SUPT3H: variants seen among roughly 807,000 people sequenced by gnomAD.
SUPT3H encodes transcription initiation protein SPT3 homolog.
In SUPT3H, 44 loss-of-function variants were observed where a neutral mutation model predicts 44.3. That is an observed-to-expected ratio of 0.99 (90% CI 0.78 to 1.28). SUPT3H has a LOEUF of 1.28. Ranked by LOEUF, SUPT3H falls within the 50% of genes most tolerant of loss-of-function variation. The pLI, the probability that SUPT3H is intolerant of heterozygous loss-of-function variation, is 0.00. For missense variants in SUPT3H, 380 were observed against 387.1 expected (o/e 0.98, Z 0.15); for synonymous variants, 124 against 125.6 (o/e 0.99, Z 0.09).
At chr6:44,855,202 C>T (rs1404717692) in intron 10 of SUPT3H, among the ~76,000 whole-genome samples, 1 of 152,192 alleles carries the variant, frequency 6.6e-6, no homozygotes, top group African/African-American at 2.4e-5. Flanking sequence ...CTTTGCCCCT[C>T]TTCTCCCAAA....
intron 3 of SUPT3H, among the ~76,000 whole-genome samples, chr6:45,030,212 C>A (rs1688136958): frequency 6.6e-6 from 1 of 152,184 alleles, no homozygotes; most frequent in South Asian, 2.1e-4. Flanking sequence ...CCTTTGGTAA[C>A]TCAGTAACTG....
At chr6:45,069,552 G>A (rs536233136) in intron 3 of SUPT3H, among the ~76,000 whole-genome samples, 109 of 152,172 alleles carry the variant, frequency 7.2e-4, no homozygotes, top group African/African-American at 2.5e-3. Context: ...AGTATGATCC[G>A]TATAAGTATA....
At chr6:45,120,417 T>TAAAAAGAAAAAAAAAAAAAAAA (rs1801460668) in intron 2 of SUPT3H, among the ~76,000 whole-genome samples, 1 of 50,510 alleles carries the variant, frequency 2.0e-5, no homozygotes, top group Non-Finnish European at 3.7e-5. Flanking sequence ...AGACCTTGTC[T>TAAAAAGAAAAAAAAAAAAAAAA]AAAAAAAAAA....
intron 2 of SUPT3H, among the ~76,000 whole-genome samples, chr6:45,246,674 G>GGAA (rs1771397060): frequency 6.6e-6 from 1 of 152,022 alleles, no homozygotes; most frequent in Non-Finnish European, 1.5e-5. Context: ...ATCAACAAAA[G>GGAA]GAAGGTACCT....
chr6:44,938,096 A>AT (rs528812806), intron 9 of SUPT3H, among the ~76,000 whole-genome samples: 3,522 of 135,964 alleles, frequency 0.026, 77 homozygotes, highest in South Asian at 0.1. Context: ...CCCATTGTCT[A>AT]TTTTTTTTTT....
At chr6:44,945,064 T>A (rs760701018) in intron 9 of SUPT3H, among the ~76,000 whole-genome samples, 18 of 152,124 alleles carry the variant, frequency 1.2e-4, no homozygotes, top group Non-Finnish European at 1.0e-4. Context: ...ATTTTGGTAC[T>A]TTTCACAGTA....
At chr6:45,271,553 C>T (rs1776148585) in intron 2 of SUPT3H, among the ~76,000 whole-genome samples, 1 of 152,220 alleles carries the variant, frequency 6.6e-6, no homozygotes, top group Non-Finnish European at 1.5e-5. Context: ...ACCTAGATTT[C>T]AGAGGATGCA....
intron 3 of SUPT3H, among the ~76,000 whole-genome samples, chr6:45,029,243 C>G (rs889475389): frequency 6.6e-6 from 1 of 151,370 alleles, no homozygotes; most frequent in Non-Finnish European, 1.5e-5. Flanking sequence ...ACAGTTAAGT[C>G]AGGTTTTAAA....
intron 10 of SUPT3H, among the ~76,000 whole-genome samples, chr6:44,931,105 C>CT (rs1348623127): frequency 6.6e-6 from 1 of 152,178 alleles, no homozygotes; most frequent in African/African-American, 2.4e-5. Flanking sequence ...GCTACCGCTT[C>CT]TTTTTGAGGA....
At chr6:45,111,337 G>A (rs1266673346) in intron 2 of SUPT3H, among the ~76,000 whole-genome samples, 1 of 151,928 alleles carries the variant, frequency 6.6e-6, no homozygotes, top group African/African-American at 2.4e-5. Flanking sequence ...AGCCAAAATG[G>A]TATTTTTAAA....
Position 44,921,444 on chromosome 6 carries a change from G to A in SUPT3H, c.912+11209C>T, listed in dbSNP as rs919669848. Among the ~76,000 whole-genome samples, 24 of 152,266 alleles carry A rather than the reference G, an allele frequency of 1.6e-4. No homozygotes were observed. In the South Asian group the frequency reaches 2.7e-3, roughly 17 times the overall value. ...CCATTTGCAAGCTGGTTGTGTGAACGATAGACATTGTTTGCCATCAAAAAT... is the reference window on the plus strand; with the variant it reads ...CCATTTGCAAGCTGGTTGTGTGAACAATAGACATTGTTTGCCATCAAAAAT... On this transcript the variant is annotated intron_variant, in intron 10 of 10. Transcript: ENST00000371459.
intron 6 of SUPT3H, 81 bp from the exon 7 acceptor site, chr6:44,961,909 G>C: frequency 2.7e-6 from 3 of 1,095,276 alleles, no homozygotes; most frequent in South Asian, 2.9e-5. Flanking sequence ...TAGAATTGAA[G>C]TACCATTTTC....
rs573263615 is a variant in SUPT3H at position 45,271,348 on chromosome 6, C to A, written c.101+93853G>T. Among the ~76,000 whole-genome samples, 6 of 152,276 alleles carry A rather than the reference C, an allele frequency of 3.9e-5. No individual in the cohort carries two copies. In the South Asian group the frequency reaches 1.2e-3, roughly 32 times the overall value. ...GGAAAAAATGGTTTCCTGGGCCAGG[C>A]CCAGGGTCCCCGCGGTGTGTGCAGT... On this transcript the variant is annotated intron_variant, in intron 2 of 10. Transcript: ENST00000371459.
chr6:45,237,913 T>C (rs540225388), intron 2 of SUPT3H, among the ~76,000 whole-genome samples: 20 of 152,334 alleles, frequency 1.3e-4, no homozygotes, highest in Admixed American at 1.1e-3. Context: ...TCTCCTGCTA[T>C]GATTCCAAAA....
In SUPT3H at chr6:45,192,715, C is replaced by G. The variant is rs145769786; in HGVS notation, c.102-86709G>C. 2.9e-3 allele frequency among the ~76,000 whole-genome samples: 445 copies of G among 152,168 alleles called. 3 individuals are homozygous for G. Among genetic ancestry groups the G allele is most frequent in the Non-Finnish European group, 4.8e-3 (324 of 67,956 alleles). ...TCGAATCAAAGCAAAGTGGTTAACT[C>G]TGAGAATAAAAGGCACAGAGAACTT... On this transcript the variant is annotated intron_variant, in intron 2 of 10. Coordinates refer to ENST00000371459, the MANE Select transcript of SUPT3H (RefSeq NM_003599.4).
intron 6 of SUPT3H, among the ~76,000 whole-genome samples, chr6:44,976,929 G>C (rs946512625): frequency 2.6e-5 from 4 of 152,120 alleles, no homozygotes; most frequent in Non-Finnish European, 5.9e-5. Flanking sequence ...TGTAATTATG[G>C]TTATTTAACA....
chr6:45,260,739 A>G, intron 2 of SUPT3H, among the ~76,000 whole-genome samples: 1 of 152,148 alleles, frequency 6.6e-6, no homozygotes. Context: ...GCTCCTGAAA[A>G]TCCTTACACG....
chr6:45,098,818 T>A lies in SUPT3H; in HGVS notation c.186+7104A>T, dbSNP rs1050578029. 4 of 542,530 alleles carry A rather than the reference T, an allele frequency of 7.4e-6. No individual in the cohort carries two copies. The Admixed American group carries it at 7.7e-5, about 10-fold the overall frequency. 33.6% of individuals were successfully genotyped at this position (542,530 alleles called of 1,614,324 possible). On this transcript the variant is annotated intron_variant, in intron 3 of 10. Coordinates refer to ENST00000371459, the MANE Select transcript of SUPT3H (RefSeq NM_003599.4). ...TGTTGTTCAGAGAGAGCAGTGTGCT[T>A]TCATCCAGGTTTCCACAGGGCAGGC... is the stretch of plus-strand genomic sequence containing the variant.
intron 3 of SUPT3H, among the ~76,000 whole-genome samples, chr6:45,061,904 T>G (rs892377522): frequency 1.3e-5 from 2 of 150,368 alleles, no homozygotes; most frequent in East Asian, 3.9e-4. Flanking sequence ...TTTTTTTTTT[T>G]TTTTTTTTTT....
Sources: gnomAD v4.1 joint callset for allele counts (sites outside exome capture counted in the v4.1 genomes callset) on GRCh38, gnomAD v4.1.1 for gene constraint, MANE v1.5 for transcripts, NCBI Gene and HGNC (gene_info 2026-07-23, HGNC 2026-07-21) for gene names.